PCDH11Y: variants seen among roughly 807,000 people sequenced by gnomAD.
The protein encoded by PCDH11Y is protocadherin-11 Y-linked.
For missense variants in PCDH11Y, 12 were observed against 224.8 expected, an observed-to-expected ratio of 0.05 and a Z score of 6.05; for synonymous variants, 9 against 83.6, an observed-to-expected ratio of 0.11 and a Z score of 4.87.
At chrY:5,481,470 G>T in intron 2 of PCDH11Y, among the ~76,000 whole-genome samples, 2 of 32,694 alleles carry the variant, frequency 6.1e-5, no homozygotes, top group Non-Finnish European at 1.5e-4. Context: ...CAGGAGCTGT[G>T]CCTATTCGGC....
chrY:5,210,877 GCTAA>G (rs2052937853), intron 2 of PCDH11Y, among the ~76,000 whole-genome samples: 5 of 33,186 alleles, frequency 1.5e-4, no homozygotes, highest in Non-Finnish European at 3.0e-4. Context: ...TTATAAATGT[GCTAA>G]CTTTCTATTA....
At chrY:5,487,322 C>T in intron 2 of PCDH11Y, among the ~76,000 whole-genome samples, 2 of 31,813 alleles carry the variant, frequency 6.3e-5, no homozygotes, top group Non-Finnish European at 1.5e-4. Context: ...CCACAGCCTC[C>T]CAAGTAGCTG....
chrY:5,183,249 C>T, intron 2 of PCDH11Y, among the ~76,000 whole-genome samples: 1 of 33,718 alleles, frequency 3.0e-5, no homozygotes, highest in South Asian at 6.6e-4. Flanking sequence ...CTTCCTTTGG[C>T]TCCATGCCAC....
At chrY:5,516,477 T>C (rs2053372822) in intron 3 of PCDH11Y, among the ~76,000 whole-genome samples, 1 of 31,937 alleles carries the variant, frequency 3.1e-5, no homozygotes, top group African/African-American at 1.2e-4. Context: ...ATTATTAATT[T>C]TCACCTAGAT....
chrY:5,086,422 CTT>C (rs2052730807), intron 1 of PCDH11Y, among the ~76,000 whole-genome samples: 3 of 32,154 alleles, frequency 9.3e-5, no homozygotes, highest in African/African-American at 3.7e-4. Context: ...TCCTGGGTGA[CTT>C]ATTTAGTTCA....
intron 2 of PCDH11Y, among the ~76,000 whole-genome samples, chrY:5,299,378 G>A: frequency 3.0e-5 from 1 of 32,979 alleles, no homozygotes; most frequent in South Asian, 6.6e-4. Flanking sequence ...TTATTAATTT[G>A]TAAAGTGTTA....
chrY:5,296,485 C>T, intron 2 of PCDH11Y, among the ~76,000 whole-genome samples: 1 of 33,346 alleles, frequency 3.0e-5, no homozygotes, highest in African/African-American at 1.2e-4. Flanking sequence ...CCATGGCCTT[C>T]TCTTCAGGGT....
chrY:5,362,913 A>T, intron 2 of PCDH11Y, among the ~76,000 whole-genome samples: 1 of 31,940 alleles, frequency 3.1e-5, no homozygotes, highest in Non-Finnish European at 7.7e-5. Context: ...GCTTTTTTTA[A>T]TGGTATGTTA....
intron 2 of PCDH11Y, among the ~76,000 whole-genome samples, chrY:5,346,178 A>C: frequency 3.0e-5 from 1 of 33,640 alleles, no homozygotes; most frequent in Non-Finnish European, 7.4e-5. Context: ...AAAATTTTTA[A>C]ATGTAAACAA....
chrY:5,154,628 T>G, intron 2 of PCDH11Y, among the ~76,000 whole-genome samples: 2 of 29,091 alleles, frequency 6.9e-5, no homozygotes, highest in Non-Finnish European at 1.7e-4. Context: ...GCTTTAGTGG[T>G]GTGTGTGTGT....
chrY:5,072,065 T>C (rs2052700750), intron 1 of PCDH11Y, among the ~76,000 whole-genome samples: 1 of 33,719 alleles, frequency 3.0e-5, no homozygotes, highest in African/African-American at 1.1e-4. Context: ...TTTGAGAACA[T>C]TGTTTTAAAA....
intron 4 of PCDH11Y, among the ~76,000 whole-genome samples, chrY:5,623,883 G>A: frequency 3.0e-5 from 1 of 33,696 alleles, no homozygotes; most frequent in Non-Finnish European, 7.4e-5. Flanking sequence ...TTTCCTTTAA[G>A]TTCTTTGGGA....
chrY:5,700,352 T>C (rs2053576380), intron 4 of PCDH11Y, among the ~76,000 whole-genome samples: 1 of 33,246 alleles, frequency 3.0e-5, no homozygotes, highest in Non-Finnish European at 7.4e-5. Flanking sequence ...AGGTAGACCA[T>C]TGATATGTTC....
At chrY:5,465,658 T>C in intron 2 of PCDH11Y, among the ~76,000 whole-genome samples, 1 of 33,243 alleles carries the variant, frequency 3.0e-5, no homozygotes, top group South Asian at 6.5e-4. Flanking sequence ...AATAATTATA[T>C]TATCTTTACA....
chrY:5,470,396 G>A, intron 2 of PCDH11Y, among the ~76,000 whole-genome samples: 2 of 31,546 alleles, frequency 6.3e-5, no homozygotes, highest in Non-Finnish European at 1.6e-4. Context: ...ATAGGAAGTT[G>A]CTATTTCAGG....
At position 5,433,683 on chromosome Y, in the gene PCDH11Y, C is replaced by T. The variant is rs375428501; in HGVS notation, c.3130-67374C>T. On this transcript the variant is annotated intron_variant, in intron 2 of 4. Transcript: ENST00000400457. ...TTAATTTTTAGTAGAGACAGGGTCT[C>T]ACTATGTTGTCCAGGCTGGTCTCAA... Among the ~76,000 whole-genome samples the T allele has an allele frequency of 5.3e-3, 171 of 32,401 alleles. No homozygotes were observed. In the South Asian group the frequency reaches 0.11, roughly 21 times the overall value. The allele number at this position is 32,401 out of a possible 37,273, so 86.9% of individuals were successfully genotyped here.
intron 2 of PCDH11Y, among the ~76,000 whole-genome samples, chrY:5,492,056 T>C (rs2124687001): frequency 3.0e-5 from 1 of 33,700 alleles, no homozygotes; most frequent in East Asian, 7.9e-4. Flanking sequence ...ACCCCAAAGA[T>C]CTTGTGACAT....
chrY:5,005,428 T>C, intron 1 of PCDH11Y, among the ~76,000 whole-genome samples: 1 of 33,738 alleles, frequency 3.0e-5, no homozygotes, highest in South Asian at 6.6e-4. Flanking sequence ...CACCATCATG[T>C]ATCCACTCAG....
intron 2 of PCDH11Y, among the ~76,000 whole-genome samples, chrY:5,403,437 GT>G (rs2053235757): frequency 3.1e-5 from 1 of 32,508 alleles, no homozygotes; most frequent in African/African-American, 1.2e-4. Flanking sequence ...TTATCACTGA[GT>G]TTTTATTCAT....
Sources: gnomAD v4.1 joint callset for allele counts (sites outside exome capture counted in the v4.1 genomes callset) on GRCh38, gnomAD v4.1.1 for gene constraint, MANE v1.5 for transcripts, NCBI Gene and HGNC (gene_info 2026-07-23, HGNC 2026-07-21) for gene names.